ABLIM1: variants seen among roughly 807,000 people sequenced by gnomAD.
The protein encoded by ABLIM1 is actin binding LIM protein 1, also known as actin-binding LIM protein 1.
In ABLIM1, 40 loss-of-function variants were observed where a neutral mutation model predicts 107.0. That is an observed-to-expected ratio of 0.37 (90% CI 0.29 to 0.49). ABLIM1 has a LOEUF of 0.49. Among genes scored for constraint, ABLIM1 ranks in the 20% least tolerant of loss-of-function variants. The probability of loss-of-function intolerance (pLI) is 0.97; values close to 1 mark genes in which losing one functional copy is unlikely to be tolerated. For missense variants in ABLIM1, 857 were observed against 1,008.5 expected (o/e 0.85, Z 2.04); for synonymous variants, 357 against 357.3 (o/e 1.00, Z 0.01).
At chr10:114,459,395 C>T (rs2063426167) in intron 12 of ABLIM1, among the ~76,000 whole-genome samples, 1 of 152,190 alleles carries the variant, frequency 6.6e-6, no homozygotes, top group Admixed American at 6.5e-5. Context: ...GCCATAGGCT[C>T]CCCCCATTCA....
intron 8 of ABLIM1, among the ~76,000 whole-genome samples, chr10:114,474,489 T>C (rs922734035): frequency 2.6e-5 from 4 of 151,828 alleles, no homozygotes; most frequent in Non-Finnish European, 5.9e-5. Flanking sequence ...CACACTTTTC[T>C]CCTGCCTCAG....
At chr10:114,760,179 G>C (rs982406654) in intron 1 of ABLIM1, among the ~76,000 whole-genome samples, 2 of 152,006 alleles carry the variant, frequency 1.3e-5, no homozygotes. Context: ...CTAGCTGATT[G>C]AATCTCGGTG....
intron 1 of ABLIM1, among the ~76,000 whole-genome samples, chr10:114,663,383 C>T (rs2079875838): frequency 6.6e-6 from 1 of 152,178 alleles, no homozygotes; most frequent in Admixed American, 6.5e-5. Flanking sequence ...GTGCAGGAGC[C>T]TTGCCTTTGT....
chr10:114,578,881 G>T (rs1260130397), intron 2 of ABLIM1, among the ~76,000 whole-genome samples: 1 of 145,100 alleles, frequency 6.9e-6, no homozygotes, highest in African/African-American at 2.6e-5. Context: ...CTGCCTCCTG[G>T]GTTCAAGCGA....
chr10:114,740,209 G>T (rs1191400608), intron 1 of ABLIM1, among the ~76,000 whole-genome samples: 1 of 152,010 alleles, frequency 6.6e-6, no homozygotes, highest in African/African-American at 2.4e-5. Flanking sequence ...GGAAATGCTA[G>T]TATGTGCCTC....
rs7913386 is a variant in ABLIM1 at position 114,631,922 on chromosome 10, A to T, written c.244+26035T>A. 5.9e-4 allele frequency: 768 copies of T among 1,304,542 alleles called. 7 individuals carry two copies. In the African/African-American group the frequency reaches 0.011, roughly 19 times the overall value. 80.8% of individuals were successfully genotyped at this position (1,304,542 alleles called of 1,614,324 possible). A position where few individuals can be genotyped will look rare whatever the true frequency, so the allele number is the denominator to read the frequency against. On this transcript the variant is annotated intron_variant, in intron 1 of 22. Transcript: ENST00000533213. ...ATTACCTTTTTCCTTCACCATGGCA[A>T]CCGGGTCCTCCGACGAGCAGGACTG...
chr10:114,436,178 A>G lies in ABLIM1; in HGVS notation c.*82T>C. ...GCGACGGTAGTTTGCAAATTCTCCA[A>G]TCAAGTTTGGGCCTCAATATGACAT... On this transcript the variant is annotated 3_prime_UTR_variant, in exon 23 of 23. Transcript: ENST00000533213. 9.8e-6 allele frequency: 11 copies of G among 1,126,016 alleles called. No homozygotes were observed. Among genetic ancestry groups the G allele is most frequent in the South Asian group, 1.5e-5 (1 of 66,692 alleles). 69.8% of individuals were successfully genotyped at this position (1,126,016 alleles called of 1,614,324 possible). A position where few individuals can be genotyped will look rare whatever the true frequency, so the allele number is the denominator to read the frequency against.
Position 114,655,418 on chromosome 10 carries a change from C to T in ABLIM1, c.244+2539G>A, listed in dbSNP as rs564432691. On this transcript the variant is annotated intron_variant, in intron 1 of 22. Coordinates refer to ENST00000533213, the MANE Select transcript of ABLIM1 (RefSeq NM_002313.7). ...ACCTGGCTTCCCCTTGCCTTCCTGC[C>T]TTCTCCTCCCAACAGATCTTATCTC... Among the ~76,000 whole-genome samples the T allele has an allele frequency of 1.1e-4, 16 of 152,310 alleles. 1 individual carries two copies. In the South Asian group the frequency reaches 2.1e-3, roughly 20 times the overall value.
chr10:114,730,670 C>T (rs1420862349), intron 1 of ABLIM1, among the ~76,000 whole-genome samples: 1 of 152,090 alleles, frequency 6.6e-6, no homozygotes, highest in Non-Finnish European at 1.5e-5. Flanking sequence ...TTTTGAGATA[C>T]AACGTACATA....
intron 1 of ABLIM1, chr10:114,631,950 G>A (rs1311888708): frequency 7.7e-7 from 1 of 1,304,138 alleles, no homozygotes; most frequent in Non-Finnish European, 1.0e-6. Flanking sequence ...CAGGACTGAA[G>A]AAGGAACGAG....
intron 1 of ABLIM1, among the ~76,000 whole-genome samples, chr10:114,653,279 C>T (rs1035889715): frequency 1.3e-5 from 2 of 152,168 alleles, no homozygotes; most frequent in Non-Finnish European, 2.9e-5. Context: ...TGGTGGCTTG[C>T]GCCTGTAATC....
chr10:114,719,452 C>T (rs1379531326), intron 1 of ABLIM1, among the ~76,000 whole-genome samples: 2 of 152,346 alleles, frequency 1.3e-5, no homozygotes, highest in South Asian at 2.1e-4. Flanking sequence ...CCTATCCTTA[C>T]ACTTCACCAC....
intron 1 of ABLIM1, among the ~76,000 whole-genome samples, chr10:114,704,335 T>TATATATATATA (rs3061769): frequency 3.0e-4 from 25 of 83,378 alleles, no homozygotes; most frequent in South Asian, 5.4e-4. Flanking sequence ...TATATATATA[T>TATATATATATA]TGCGCGCGTT....
chr10:114,726,821 G>A (rs1010688032), intron 1 of ABLIM1, among the ~76,000 whole-genome samples: 8 of 152,100 alleles, frequency 5.3e-5, no homozygotes, highest in Admixed American at 1.3e-4. Flanking sequence ...AGGGGATGGC[G>A]CTAAAGCATT....
chr10:114,628,533 C>T (rs1231015060), intron 1 of ABLIM1, among the ~76,000 whole-genome samples: 2 of 152,196 alleles, frequency 1.3e-5, no homozygotes, highest in African/African-American at 4.8e-5. Flanking sequence ...CATCCTTCCA[C>T]TTAGACACTG....
intron 1 of ABLIM1, among the ~76,000 whole-genome samples, chr10:114,722,369 C>G (rs748952523): frequency 6.6e-6 from 1 of 152,164 alleles, no homozygotes; most frequent in South Asian, 2.1e-4. Context: ...CTCACTATCA[C>G]GAGAACAGCC....
intron 4 of ABLIM1, among the ~76,000 whole-genome samples, chr10:114,552,726 A>G (rs10885580): frequency 0.17 from 25,422 of 152,258 alleles, 2,668 homozygotes; most frequent in East Asian, 0.29. Flanking sequence ...GTTTATTTAT[A>G]TATTTTAGCA....
intron 4 of ABLIM1, among the ~76,000 whole-genome samples, chr10:114,566,673 C>T (rs2138575248): frequency 6.6e-6 from 1 of 152,298 alleles, no homozygotes; most frequent in Middle Eastern, 3.4e-3. Context: ...ATTCAAATTG[C>T]ATTAGACTGG....
At chr10:114,784,942 T>A in the ABLIM1 span, among the ~76,000 whole-genome samples, 3 of 152,326 alleles carry the variant, frequency 2.0e-5, no homozygotes, top group South Asian at 6.2e-4. Context: ...TTTCTGTGTT[T>A]TCTAATTTTT....
Sources: gnomAD v4.1 joint callset for allele counts (sites outside exome capture counted in the v4.1 genomes callset) on GRCh38, gnomAD v4.1.1 for gene constraint, MANE v1.5 for transcripts, NCBI Gene and HGNC (gene_info 2026-07-23, HGNC 2026-07-21) for gene names.